The following DYNC1I2 variants were observed in gnomAD, a reference collection of about 807,000 sequenced individuals.
The protein encoded by DYNC1I2 is cytoplasmic dynein 1 intermediate chain 2.
In DYNC1I2, 53 loss-of-function variants were observed where a neutral mutation model predicts 88.6. That is an observed-to-expected ratio of 0.60 (90% confidence interval 0.48 to 0.75). The LOEUF (loss-of-function observed/expected upper bound fraction) is 0.75. Among genes scored for constraint, DYNC1I2 ranks in the 30% least tolerant of loss-of-function variants. The probability of loss-of-function intolerance (pLI) is 0.00; values close to 1 mark genes in which losing one functional copy is unlikely to be tolerated. For synonymous variants in DYNC1I2, 198 were observed against 254.6 expected, an observed-to-expected ratio of 0.78 and a Z score of 2.12; for missense variants, 458 against 766.6, an observed-to-expected ratio of 0.60 and a Z score of 4.75.
intron 14 of DYNC1I2, among the ~76,000 whole-genome samples, chr2:171,729,457 C>T (rs1688463200): frequency 6.6e-6 from 1 of 152,186 alleles, no homozygotes. Flanking sequence ...TACACCACTT[C>T]AGATATTGGA....
At chr2:171,732,071 T>C (rs1044874625) in intron 15 of DYNC1I2, among the ~76,000 whole-genome samples, 1 of 152,218 alleles carries the variant, frequency 6.6e-6, no homozygotes, top group Non-Finnish European at 1.5e-5. Flanking sequence ...TTATGATTCT[T>C]TCTCAAATGT....
At chr2:171,689,638 C>G (rs1184187996) in intron 1 of DYNC1I2, among the ~76,000 whole-genome samples, 1 of 151,994 alleles carries the variant, frequency 6.6e-6, no homozygotes, top group Non-Finnish European at 1.5e-5. Context: ...ATGCTCAGCT[C>G]TAGGTAATAT....
At chr2:171,706,766 G>GGT in intron 4 of DYNC1I2, 1 of 475,368 alleles carries the variant, frequency 2.1e-6, no homozygotes, top group African/African-American at 2.0e-5. Context: ...GGGGGAGGCA[G>GGT]TGAAATCATT....
intron 7 of DYNC1I2, among the ~76,000 whole-genome samples, chr2:171,720,167 C>T (rs561660448): frequency 1.1e-4 from 17 of 152,116 alleles, no homozygotes; most frequent in Non-Finnish European, 2.2e-4. Flanking sequence ...CTAAGTCCAC[C>T]GTCTGAGAGA....
intron 15 of DYNC1I2, among the ~76,000 whole-genome samples, chr2:171,742,798 T>C (rs1336184324): frequency 1.3e-5 from 2 of 152,230 alleles, no homozygotes; most frequent in Non-Finnish European, 2.9e-5. Context: ...AACTTACTGC[T>C]TTGTCTCTTT....
At position 171,749,605 on chromosome 2, in the gene DYNC1I2, G is replaced by C. The variant is rs1426439423; in HGVS notation, c.*1716G>C. Among the ~76,000 whole-genome samples, 1 of 152,024 alleles carries C rather than the reference G, an allele frequency of 6.6e-6. No homozygotes were observed. Among genetic ancestry groups the C allele is most frequent in the Non-Finnish European group, 1.5e-5 (1 of 67,952 alleles). ...GGAAAACAAGTGTTAAAACATAATGGATAAGAAAAGGTTGGAAATCATATG... is the reference window on the plus strand; with the variant it reads ...GGAAAACAAGTGTTAAAACATAATGCATAAGAAAAGGTTGGAAATCATATG... On this transcript the variant is annotated 3_prime_UTR_variant, in exon 18 of 18. Transcript: ENST00000397119.
chr2:171,719,903 GCTT>G (rs1228293503), intron 7 of DYNC1I2, among the ~76,000 whole-genome samples: 2 of 152,136 alleles, frequency 1.3e-5, no homozygotes, highest in African/African-American at 4.8e-5. Context: ...CAGGTGAAAA[GCTT>G]CTCTTGGCAA....
chr2:171,723,554 A>G (rs1411790037), intron 7 of DYNC1I2, among the ~76,000 whole-genome samples: 3 of 152,234 alleles, frequency 2.0e-5, no homozygotes, highest in Admixed American at 6.5e-5. Flanking sequence ...GTAATATAGT[A>G]TAGAATTGCT....
At chr2:171,713,679 A>T (rs1687287375) in intron 6 of DYNC1I2, among the ~76,000 whole-genome samples, 1 of 152,158 alleles carries the variant, frequency 6.6e-6, no homozygotes, top group Non-Finnish European at 1.5e-5. Flanking sequence ...ATTTTGCCTG[A>T]CTCAGATAGC....
In DYNC1I2 at chr2:171,745,947, T is replaced by C. The variant is rs375184028; in HGVS notation, c.1803+20T>C. On this transcript the variant is annotated intron_variant, in intron 17 of 17. Transcript: ENST00000397119. The stretch of plus-strand genomic sequence containing the variant: ...GGAGAGGTATGGGACTCCCTGCCTG[T>C]AATTTTGACACATCGATTTAGTTGC... 1.9e-5 allele frequency: 30 copies of C among 1,612,550 alleles called. No individual in the cohort carries two copies. Among genetic ancestry groups the C allele is most frequent in the Non-Finnish European group, 2.5e-5 (30 of 1,179,092 alleles).
intron 15 of DYNC1I2, among the ~76,000 whole-genome samples, chr2:171,731,135 C>G (rs541082124): frequency 1.3e-5 from 2 of 152,324 alleles, no homozygotes; most frequent in South Asian, 4.1e-4. Flanking sequence ...GGGGATCGGA[C>G]AGAGCCTGAA....
rs2105686210 is a variant in DYNC1I2 at position 171,726,266 on chromosome 2, GGTTA to G, written c.847_850del (p.Ser283ValfsTer35). Reference sequence around the variant, plus strand: ...ACGAACGTTGGTCAAAGCATCGGGTGGTTAGTTGTTTGGATTGGTCATCTCAGGT... The same window carrying G: ...ACGAACGTTGGTCAAAGCATCGGGTGGTTGTTTGGATTGGTCATCTCAGGT... On this transcript the variant is annotated frameshift_variant, in exon 10 of 18. Coordinates refer to ENST00000397119, the MANE Select transcript of DYNC1I2 (RefSeq NM_001378.3). LOFTEE classifies it high-confidence loss of function. 1 of 1,611,570 alleles carries G rather than the reference GGTTA, an allele frequency of 6.2e-7. No individual in the cohort carries two copies. The highest frequency in any genetic ancestry group is 8.5e-7 in the Non-Finnish European group (1 of 1,179,214).
At position 171,706,070 on chromosome 2, in the gene DYNC1I2, G is replaced by A. The variant is rs149504354; in HGVS notation, c.227-477G>A. Among the ~76,000 whole-genome samples, 332 of 152,052 alleles carry A rather than the reference G, an allele frequency of 2.2e-3. 1 individual carries two copies. Among genetic ancestry groups the A allele is most frequent in the Non-Finnish European group, 5.4e-4 (37 of 67,928 alleles). ...CCAAGCCCACTGTTTTTACTGCAGC[G>A]TGTATAAACATTTAGACATAATTTT... On this transcript the variant is annotated intron_variant, in intron 3 of 17. Coordinates refer to ENST00000397119, the MANE Select transcript of DYNC1I2 (RefSeq NM_001378.3).
intron 3 of DYNC1I2, among the ~76,000 whole-genome samples, chr2:171,703,657 A>G (rs928054301): frequency 6.6e-6 from 1 of 152,178 alleles, no homozygotes; most frequent in Non-Finnish European, 1.5e-5. Context: ...CATTATGAAG[A>G]GAAAGAGCAA....
chr2:171,745,710 G>T, intron 16 of DYNC1I2, 92 bp from the exon 17 acceptor site: 1 of 1,354,384 alleles, frequency 7.4e-7, no homozygotes, highest in Non-Finnish European at 1.0e-6. Context: ...TTTTAAAAAT[G>T]TAGCCAGCTT....
intron 3 of DYNC1I2, among the ~76,000 whole-genome samples, chr2:171,701,130 A>G (rs898669978): frequency 6.6e-6 from 1 of 152,222 alleles, no homozygotes; most frequent in African/African-American, 2.4e-5. Context: ...GTATTTTTAT[A>G]TTCATCTTGA....
intron 15 of DYNC1I2, among the ~76,000 whole-genome samples, chr2:171,730,287 A>G (rs1262856105): frequency 2.0e-5 from 3 of 152,248 alleles, no homozygotes; most frequent in Non-Finnish European, 4.4e-5. Flanking sequence ...AGAGAGAGAA[A>G]CTGATTTACA....
chr2:171,729,879 T>C, intron 15 of DYNC1I2, 26 bp downstream of exon 15: 9 of 1,611,968 alleles, frequency 5.6e-6, no homozygotes, highest in Non-Finnish European at 7.6e-6. Context: ...ATGTCTGCTA[T>C]TTGCTCAGGT....
intron 7 of DYNC1I2, among the ~76,000 whole-genome samples, chr2:171,723,903 C>A (rs1300244367): frequency 6.6e-6 from 1 of 152,116 alleles, no homozygotes; most frequent in Admixed American, 6.6e-5. Flanking sequence ...GAATGTTTGG[C>A]AGGTTGATTG....
Sources: allele counts gnomAD v4.1 joint callset (sites outside exome capture counted in the v4.1 genomes callset), GRCh38; gene constraint gnomAD v4.1.1; transcripts MANE v1.5; gene names NCBI Gene and HGNC (gene_info 2026-07-23, HGNC 2026-07-21).